ANK2: variants seen among roughly 807,000 people sequenced by gnomAD.
The protein encoded by ANK2 is ankyrin-2.
A neutral mutation model predicts 360.5 loss-of-function variants in ANK2; 83 were observed. That is an observed-to-expected ratio of 0.23 (90% CI 0.19 to 0.28). The LOEUF (loss-of-function observed/expected upper bound fraction) is 0.28, where lower values mean the gene tolerates loss of function less well. Among genes scored for constraint, ANK2 ranks in the 10% least tolerant of loss-of-function variants. The pLI, the probability that ANK2 is intolerant of heterozygous loss-of-function variation, is 1.00. For missense variants in ANK2, 4,201 were observed against 4,795.7 expected (o/e 0.88, Z 3.66); for synonymous variants, 1,740 against 1,759.5 (o/e 0.99, Z 0.28).
intron 1 of ANK2, among the ~76,000 whole-genome samples, chr4:113,151,695 G>C (rs11947171): frequency 0.07 from 10,653 of 152,100 alleles, 601 homozygotes; most frequent in African/African-American, 0.15. Flanking sequence ...ACTATAGAAA[G>C]TAGTAGACAT....
At chr4:112,800,839 A>G in the ANK2 span, among the ~76,000 whole-genome samples, 3 of 152,122 alleles carry the variant, frequency 2.0e-5, no homozygotes, top group Admixed American at 6.6e-5. Flanking sequence ...TATTTTTAGT[A>G]GAGACGGGTT....
chr4:112,948,258 A>G (rs1259410141), intron 2 of ANK2, among the ~76,000 whole-genome samples: 2 of 152,150 alleles, frequency 1.3e-5, no homozygotes, highest in East Asian at 3.8e-4. Context: ...CCTATTTACA[A>G]AAAAAACAGC....
chr4:113,247,543 T>C (rs962357023), intron 9 of ANK2, among the ~76,000 whole-genome samples: 7 of 152,214 alleles, frequency 4.6e-5, no homozygotes, highest in Admixed American at 1.3e-4. Context: ...TCAACATGAT[T>C]ACACAAAGAC....
At chr4:113,372,583 G>C in intron 43 of ANK2, 1 of 1,535,942 alleles carries the variant, frequency 6.5e-7, no homozygotes, top group Non-Finnish European at 8.7e-7. Context: ...ATGAGGAGGC[G>C]ATGGTAACTA....
intron 1 of ANK2, among the ~76,000 whole-genome samples, chr4:113,053,830 T>C (rs1037570530): frequency 6.6e-6 from 1 of 152,206 alleles, no homozygotes; most frequent in South Asian, 2.1e-4. Context: ...ACTCCTGGTC[T>C]CAAGCAATTC....
chr4:112,926,609 T>C (rs1033476295), intron 2 of ANK2, among the ~76,000 whole-genome samples: 4 of 152,236 alleles, frequency 2.6e-5, no homozygotes, highest in African/African-American at 9.6e-5. Flanking sequence ...TTGATTCTCT[T>C]TCTAAGCTAT....
At chr4:113,352,649 C>CT (rs947671509) in intron 37 of ANK2, among the ~76,000 whole-genome samples, 2,405 of 147,230 alleles carry the variant, frequency 0.016, 68 homozygotes, top group African/African-American at 0.055. Context: ...GGTTGGTTTT[C>CT]TTTTTTTTTT....
intron 1 of ANK2, among the ~76,000 whole-genome samples, chr4:112,838,109 G>A (rs1250546864): frequency 6.6e-6 from 1 of 152,150 alleles, no homozygotes; most frequent in Non-Finnish European, 1.5e-5. Flanking sequence ...CATGGTGGGA[G>A]GTGGATCATG....
At chr4:112,728,880 G>C in the ANK2 span, among the ~76,000 whole-genome samples, 9 of 152,248 alleles carry the variant, frequency 5.9e-5, no homozygotes, top group Non-Finnish European at 1.3e-4. Context: ...AAGATGTAGT[G>C]AAAAAGAAAC....
At chr4:112,830,748 C>G (rs1171315727) in intron 1 of ANK2, among the ~76,000 whole-genome samples, 3 of 152,212 alleles carry the variant, frequency 2.0e-5, no homozygotes, top group Non-Finnish European at 4.4e-5. Flanking sequence ...CTGTGGGAGC[C>G]CCTCTCTGGG....
At chr4:112,901,635 G>T (rs1474813979) in intron 1 of ANK2, among the ~76,000 whole-genome samples, 2 of 152,140 alleles carry the variant, frequency 1.3e-5, no homozygotes, top group Admixed American at 6.5e-5. Context: ...GGCTGAGGCA[G>T]GCGGACCATG....
At chr4:113,215,338 T>G (rs1004707092) in intron 4 of ANK2, among the ~76,000 whole-genome samples, 2 of 152,222 alleles carry the variant, frequency 1.3e-5, no homozygotes, top group African/African-American at 4.8e-5. Context: ...AGGGTTGATA[T>G]AGAGATTAAA....
intron 2 of ANK2, among the ~76,000 whole-genome samples, chr4:113,043,840 G>A (rs933043512): frequency 6.6e-6 from 1 of 152,096 alleles, no homozygotes; most frequent in Non-Finnish European, 1.5e-5. Flanking sequence ...GAGGAAGAGA[G>A]GCAGGAGGAA....
chr4:112,731,679 G>C, the ANK2 span, among the ~76,000 whole-genome samples: 1 of 152,148 alleles, frequency 6.6e-6, no homozygotes, highest in African/African-American at 2.4e-5. Context: ...GCTGCAGTGA[G>C]CCATGATCGT....
intron 2 of ANK2, among the ~76,000 whole-genome samples, chr4:113,006,029 G>A (rs532078199): frequency 6.6e-6 from 1 of 152,290 alleles, no homozygotes; most frequent in South Asian, 2.1e-4. Flanking sequence ...ACAACTGTGA[G>A]CTAAATAAAC....
intron 1 of ANK2, among the ~76,000 whole-genome samples, chr4:113,050,951 T>C (rs1333567469): frequency 6.6e-6 from 1 of 152,164 alleles, no homozygotes; most frequent in Non-Finnish European, 1.5e-5. Context: ...GGGAGTAGTA[T>C]ATTTGTATGG....
chr4:113,190,325 G>A (rs1206461459), intron 2 of ANK2, among the ~76,000 whole-genome samples: 2 of 151,946 alleles, frequency 1.3e-5, no homozygotes. Context: ...GCCAAGGCTG[G>A]TCTTGAACTG....
intron 1 of ANK2, among the ~76,000 whole-genome samples, chr4:113,133,552 CT>C (rs1237059860): frequency 6.6e-6 from 1 of 152,012 alleles, no homozygotes; most frequent in Non-Finnish European, 1.5e-5. Context: ...CCATGCTATA[CT>C]ACCACGTAAT....
At chr4:112,927,297 A>T (rs2092685695) in intron 2 of ANK2, among the ~76,000 whole-genome samples, 1 of 152,154 alleles carries the variant, frequency 6.6e-6, no homozygotes, top group African/African-American at 2.4e-5. Context: ...TCCTTTACTT[A>T]TATCATCTTA....
Sources: gnomAD v4.1 joint callset for allele counts (sites outside exome capture counted in the v4.1 genomes callset) on GRCh38, gnomAD v4.1.1 for gene constraint, MANE v1.5 for transcripts, NCBI Gene and HGNC (gene_info 2026-07-23, HGNC 2026-07-21) for gene names.